Variants in UBE2E3 observed in about 807,000 individuals in gnomAD.
The protein encoded by UBE2E3 is ubiquitin conjugating enzyme E2 E3.
Under a neutral mutation model 23.6 loss-of-function variants are expected in UBE2E3, and 5 were observed. The ratio of observed to expected loss-of-function variants is 0.21; its 90% CI spans 0.11 to 0.44. The LOEUF (loss-of-function observed/expected upper bound fraction) is 0.44, where lower values mean the gene tolerates loss of function less well. Among genes scored for constraint, UBE2E3 ranks in the 20% least tolerant of loss-of-function variants. The pLI, the probability that UBE2E3 is intolerant of heterozygous loss-of-function variation, is 0.99. For missense variants in UBE2E3, 81 were observed against 249.8 expected, an observed-to-expected ratio of 0.32 and a Z score of 4.55; for synonymous variants, 78 against 87.5, an observed-to-expected ratio of 0.89 and a Z score of 0.60.
chr2:181,052,474 T>A (rs1686870181), intron 3 of UBE2E3, among the ~76,000 whole-genome samples: 1 of 151,906 alleles, frequency 6.6e-6, no homozygotes, highest in Non-Finnish European at 1.5e-5. Context: ...CTAGAGTCTG[T>A]GTGACATTTA....
chr2:180,988,798 G>A (rs1684562599), intron 3 of UBE2E3, among the ~76,000 whole-genome samples: 1 of 152,082 alleles, frequency 6.6e-6, no homozygotes, highest in Non-Finnish European at 1.5e-5. Context: ...CACACATGTA[G>A]ATAGACTGCT....
chr2:181,037,136 AGAC>A (rs1251245819), intron 3 of UBE2E3, among the ~76,000 whole-genome samples: 1 of 152,222 alleles, frequency 6.6e-6, no homozygotes, highest in Non-Finnish European at 1.5e-5. Flanking sequence ...TAGCATCGTC[AGAC>A]AGTGCATTAC....
intron 2 of UBE2E3, 146 bp from the exon 3 acceptor site, chr2:180,983,897 G>A: frequency 1.8e-6 from 1 of 560,870 alleles, no homozygotes; most frequent in Non-Finnish European, 3.1e-6. Flanking sequence ...ATGCCTCTGA[G>A]AACAAAGAGG....
intron 3 of UBE2E3, among the ~76,000 whole-genome samples, chr2:181,032,662 T>G (rs935169626): frequency 2.0e-5 from 3 of 152,230 alleles, no homozygotes; most frequent in African/African-American, 7.2e-5. Context: ...TGAAACACTG[T>G]AATTTGGACA....
At chr2:180,997,550 T>TC (rs1297051149) in intron 3 of UBE2E3, among the ~76,000 whole-genome samples, 3 of 152,148 alleles carry the variant, frequency 2.0e-5, no homozygotes, top group African/African-American at 4.8e-5. Flanking sequence ...CCTTCTCATC[T>TC]CCCCTAGGCT....
chr2:181,059,341 CTAGT>C (rs1201776564), intron 4 of UBE2E3, among the ~76,000 whole-genome samples: 10 of 151,706 alleles, frequency 6.6e-5, no homozygotes, highest in Non-Finnish European at 1.0e-4. Flanking sequence ...ATTCTGTTCA[CTAGT>C]TATAGCTGAA....
At chr2:181,030,261 CT>C (rs1208459354) in intron 3 of UBE2E3, among the ~76,000 whole-genome samples, 1 of 151,792 alleles carries the variant, frequency 6.6e-6, no homozygotes, top group Non-Finnish European at 1.5e-5. Flanking sequence ...TATGGTTTTG[CT>C]TTAATCTATT....
At chr2:181,033,541 A>G (rs1174720519) in intron 3 of UBE2E3, among the ~76,000 whole-genome samples, 1 of 152,254 alleles carries the variant, frequency 6.6e-6, no homozygotes, top group African/African-American at 2.4e-5. Context: ...AAGATGGATT[A>G]AAGACTTAAA....
intron 3 of UBE2E3, among the ~76,000 whole-genome samples, chr2:181,040,154 A>G (rs983840951): frequency 6.6e-6 from 1 of 152,170 alleles, no homozygotes; most frequent in Admixed American, 6.5e-5. Flanking sequence ...TAAATTGGGG[A>G]GGAAAATATG....
At chr2:181,020,953 C>T (rs1042161639) in intron 3 of UBE2E3, among the ~76,000 whole-genome samples, 1 of 151,968 alleles carries the variant, frequency 6.6e-6, no homozygotes, top group African/African-American at 2.4e-5. Context: ...TTTTATCCTT[C>T]CTGTTTTGTA....
chr2:181,005,276 G>A lies in UBE2E3; in HGVS notation c.245+21183G>A, dbSNP rs569370325. ...AGATAACTGATAGTACCTCCCAGCT[G>A]TGTTCTTCAGATTGAGATGCAGTGT... On this transcript the variant is annotated intron_variant, in intron 3 of 5. Coordinates refer to ENST00000410062, the MANE Select transcript of UBE2E3 (RefSeq NM_006357.4). Among the ~76,000 whole-genome samples, 6 of 152,310 alleles carry A rather than the reference G, an allele frequency of 3.9e-5. No homozygotes were observed. The South Asian group carries it at 1.2e-3, about 32-fold the overall frequency.
At chr2:181,000,946 A>T (rs983305320) in intron 3 of UBE2E3, among the ~76,000 whole-genome samples, 4 of 152,248 alleles carry the variant, frequency 2.6e-5, no homozygotes, top group Admixed American at 2.0e-4. Flanking sequence ...ATGTGTGTTT[A>T]AAATATTTGC....
At chr2:181,019,140 T>C (rs1685592548) in intron 3 of UBE2E3, among the ~76,000 whole-genome samples, 1 of 152,192 alleles carries the variant, frequency 6.6e-6, no homozygotes, top group Admixed American at 6.5e-5. Context: ...ATTTTGCATT[T>C]TTAGTGGAGA....
chr2:181,029,327 A>C (rs567492943), intron 3 of UBE2E3, among the ~76,000 whole-genome samples: 119 of 152,264 alleles, frequency 7.8e-4, no homozygotes, highest in Middle Eastern at 6.8e-3. Context: ...AATTCCTTGG[A>C]AAAGTATTCT....
At chr2:181,012,091 G>A (rs998290447) in intron 3 of UBE2E3, among the ~76,000 whole-genome samples, 2 of 152,074 alleles carry the variant, frequency 1.3e-5, no homozygotes, top group Admixed American at 6.6e-5. Flanking sequence ...GTTAATTGAT[G>A]TTTTCTTTTG....
At chr2:181,060,383 T>C (rs1284680028) in intron 4 of UBE2E3, among the ~76,000 whole-genome samples, 1 of 151,798 alleles carries the variant, frequency 6.6e-6, no homozygotes, top group Non-Finnish European at 1.5e-5. Context: ...TGGATGTGTA[T>C]GCAAACAGAC....
At position 181,039,904 on chromosome 2, in the gene UBE2E3, A is replaced by G. The variant is rs74532755; in HGVS notation, c.246-17789A>G. ...ACTTTGATTACTTATAATACCAAAT[A>G]CAATATAAATAATAGTTGTTAAACT... On this transcript the variant is annotated intron_variant, in intron 3 of 5. Transcript: ENST00000410062. Among the ~76,000 whole-genome samples the G allele has an allele frequency of 8.8e-3, 1,346 of 152,332 alleles. 64 individuals are homozygous for G. In the East Asian group the frequency reaches 0.13, roughly 15 times the overall value.
intron 3 of UBE2E3, among the ~76,000 whole-genome samples, chr2:180,999,003 T>C (rs1487138372): frequency 2.0e-5 from 3 of 152,178 alleles, no homozygotes; most frequent in African/African-American, 7.2e-5. Context: ...AAATGTCCCA[T>C]GTGTCTTTTA....
chr2:180,982,418 CT>C (rs1347359024), intron 2 of UBE2E3, among the ~76,000 whole-genome samples, 182 bp downstream of exon 2: 1 of 152,212 alleles, frequency 6.6e-6, no homozygotes, highest in Non-Finnish European at 1.5e-5. Flanking sequence ...TAGAATTATA[CT>C]TTTAAGCAAA....
Sources: gnomAD v4.1 joint callset for allele counts (sites outside exome capture counted in the v4.1 genomes callset) on GRCh38, gnomAD v4.1.1 for gene constraint, MANE v1.5 for transcripts, NCBI Gene and HGNC (gene_info 2026-07-23, HGNC 2026-07-21) for gene names.